Variants in KDM4C observed in about 807,000 individuals in gnomAD.
KDM4C encodes the protein lysine demethylase 4C.
Under a neutral mutation model 129.3 loss-of-function variants are expected in KDM4C, and 81 were observed. That is an observed-to-expected ratio of 0.63 (90% CI 0.52 to 0.75). The LOEUF (loss-of-function observed/expected upper bound fraction) is 0.75. Ranked by LOEUF, KDM4C falls within the 30% of genes least tolerant of loss-of-function variation. The probability of loss-of-function intolerance (pLI) is 0.00; values close to 1 mark genes in which losing one functional copy is unlikely to be tolerated. For missense variants in KDM4C, 1,457 were observed against 1,304.0 expected (o/e 1.12, Z -1.81); for synonymous variants, 573 against 456.1 (o/e 1.26, Z -3.26).
chr9:7,129,435 C>T (rs983154805), intron 19 of KDM4C, among the ~76,000 whole-genome samples: 4 of 152,044 alleles, frequency 2.6e-5, no homozygotes, highest in African/African-American at 9.7e-5. Context: ...TGTTTCTTAC[C>T]AGGGTTCTAG....
At chr9:7,049,039 A>G (rs1467800285) in intron 16 of KDM4C, 53 bp from the exon 17 acceptor site, 2 of 1,166,328 alleles carry the variant, frequency 1.7e-6, no homozygotes, top group East Asian at 2.3e-5. Context: ...ACCAAGTTGA[A>G]GTATGTAAGT....
rs1040665681 is a variant in KDM4C at position 6,805,460 on chromosome 9, T to G, written c.145-139T>G. ...CATCATATTGCTTTATTGCAAATATTCATCTTTTTTTTTTTTTTTTACACA... is the reference window on the plus strand; with the variant it reads ...CATCATATTGCTTTATTGCAAATATGCATCTTTTTTTTTTTTTTTTACACA... On this transcript the variant is annotated intron_variant, in intron 2 of 21. Transcript: ENST00000381309. 9.7e-6 allele frequency: 6 copies of G among 617,980 alleles called. No homozygotes were observed. In the African/African-American group the frequency reaches 1.2e-4, roughly 12 times the overall value. 38.3% of individuals were successfully genotyped at this position (617,980 alleles called of 1,614,324 possible).
chr9:7,155,117 C>T (rs1253653727), intron 19 of KDM4C, among the ~76,000 whole-genome samples: 1 of 152,152 alleles, frequency 6.6e-6, no homozygotes, highest in Admixed American at 6.5e-5. Flanking sequence ...TCGCCCAAGT[C>T]AGAGAGAGCT....
intron 18 of KDM4C, among the ~76,000 whole-genome samples, chr9:7,104,837 G>T (rs1837498629): frequency 6.6e-6 from 1 of 152,200 alleles, no homozygotes; most frequent in Non-Finnish European, 1.5e-5. Context: ...GTCAGCATTG[G>T]CTTGTGGAGT....
At chr9:6,949,485 C>T (rs951349876) in intron 8 of KDM4C, among the ~76,000 whole-genome samples, 10 of 152,308 alleles carry the variant, frequency 6.6e-5, no homozygotes, top group Admixed American at 5.9e-4. Context: ...GAGGCCAAGG[C>T]AGGCGGCTGG....
intron 5 of KDM4C, among the ~76,000 whole-genome samples, chr9:6,864,924 T>G (rs543519641): frequency 2.6e-5 from 4 of 152,100 alleles, no homozygotes; most frequent in African/African-American, 9.6e-5. Flanking sequence ...GATTAATTTT[T>G]TAGTTCAGCA....
chr9:6,732,594 C>T (rs1287033879), intron 1 of KDM4C, among the ~76,000 whole-genome samples: 1 of 152,022 alleles, frequency 6.6e-6, no homozygotes, highest in African/African-American at 2.4e-5. Context: ...AGACATTGTT[C>T]ATGCAGGGGA....
intron 19 of KDM4C, among the ~76,000 whole-genome samples, chr9:7,129,953 G>T (rs1232953095): frequency 6.6e-6 from 1 of 152,170 alleles, no homozygotes; most frequent in Non-Finnish European, 1.5e-5. Flanking sequence ...AACAGTATTT[G>T]ATTACATGTA....
intron 12 of KDM4C, among the ~76,000 whole-genome samples, chr9:6,993,701 C>T (rs556167506): frequency 1.8e-4 from 28 of 152,288 alleles, no homozygotes; most frequent in African/African-American, 6.7e-4. Flanking sequence ...GGCCATGGAA[C>T]GTACTAGATG....
chr9:6,917,628 G>T (rs1330143039), intron 8 of KDM4C, among the ~76,000 whole-genome samples: 1 of 152,092 alleles, frequency 6.6e-6, no homozygotes, highest in Non-Finnish European at 1.5e-5. Flanking sequence ...AGTTGTTCAC[G>T]ATGCCCAGCA....
intron 8 of KDM4C, among the ~76,000 whole-genome samples, chr9:6,971,967 A>T (rs1317840073): frequency 6.6e-6 from 1 of 152,164 alleles, no homozygotes; most frequent in Non-Finnish European, 1.5e-5. Flanking sequence ...TGTAATGATG[A>T]CAGATATTCA....
In KDM4C at chr9:6,835,365, G is replaced by T. The variant is rs2131357833; in HGVS notation, c.436-14142G>T. On this transcript the variant is annotated intron_variant, in intron 4 of 21. Transcript: ENST00000381309. ...CATTGCTGTCTGGCGGCACCACCAT[G>T]TACCCTAGCGTTGCCAACAGGATGC... 4.6e-6 allele frequency: 5 copies of T among 1,076,346 alleles called. No individual in the cohort carries two copies. The South Asian group carries it at 6.2e-5, about 13-fold the overall frequency. The allele number at this position is 1,076,346 out of a possible 1,614,324, so 66.7% of individuals were successfully genotyped here. A position where few individuals can be genotyped will look rare whatever the true frequency, so the allele number is the denominator to read the frequency against.
At chr9:7,074,256 T>C (rs1833602803) in intron 17 of KDM4C, among the ~76,000 whole-genome samples, 1 of 152,106 alleles carries the variant, frequency 6.6e-6, no homozygotes, top group Non-Finnish European at 1.5e-5. Flanking sequence ...CGCTGTCTCT[T>C]GGGTTCAAAC....
chr9:6,894,230 A>T (rs1391350464), intron 8 of KDM4C, among the ~76,000 whole-genome samples: 2 of 152,270 alleles, frequency 1.3e-5, no homozygotes, highest in African/African-American at 4.8e-5. Context: ...GATAAATAAA[A>T]TATAGCCCTT....
rs114216407 is a variant in KDM4C, at chr9:7,032,579, C to T, written c.2260-14283C>T. 6.3e-3 allele frequency among the ~76,000 whole-genome samples: 965 copies of T among 152,230 alleles called. 17 individuals are homozygous for T. The highest frequency in any genetic ancestry group is 0.021 in the African/African-American group (873 of 41,534). Reference sequence around the variant, plus strand: ...TCTTTATTTCCACAGAACTTGATACCGATAAAGGCTAAGGAATTCTTCGTC... The same window carrying T: ...TCTTTATTTCCACAGAACTTGATACTGATAAAGGCTAAGGAATTCTTCGTC... On this transcript the variant is annotated intron_variant, in intron 15 of 21. Transcript: ENST00000381309.
rs904073141 is a variant in KDM4C at position 6,803,782 on chromosome 9, A to G, written c.145-1817A>G. Among the ~76,000 whole-genome samples the G allele has an allele frequency of 3.3e-5, 5 of 151,956 alleles. No individual in the cohort carries two copies. The East Asian group carries it at 5.8e-4, about 18-fold the overall frequency. On this transcript the variant is annotated intron_variant, in intron 2 of 21. Coordinates refer to ENST00000381309, the MANE Select transcript of KDM4C (RefSeq NM_015061.6). ...AAAAAAAAAAAGAAAAGTTCCAGCAATAGATCATGAATTGCTTCATGACGT... is the reference window on the plus strand; with the variant it reads ...AAAAAAAAAAAGAAAAGTTCCAGCAGTAGATCATGAATTGCTTCATGACGT...
At chr9:6,998,519 G>T (rs1392667141) in intron 12 of KDM4C, among the ~76,000 whole-genome samples, 1 of 152,162 alleles carries the variant, frequency 6.6e-6, no homozygotes, top group African/African-American at 2.4e-5. Context: ...TTATAGGCTG[G>T]GTTTGGTGGC....
chr9:6,885,906 A>T (rs1412375521), intron 6 of KDM4C, among the ~76,000 whole-genome samples: 2 of 152,236 alleles, frequency 1.3e-5, no homozygotes, highest in African/African-American at 4.8e-5. Flanking sequence ...AATTTAGGTT[A>T]ACTTATGACC....
chr9:7,116,045 G>GT lies in KDM4C; in HGVS notation c.2611-12020dup, dbSNP rs1390586141. ...CTGAAATTATAATGTCTGAAGAAAC[G>GT]TAAGAAATTCCTGTTTCTTCTGAAA... On this transcript the variant is annotated intron_variant, in intron 18 of 21. Transcript: ENST00000381309. 2.6e-5 allele frequency among the ~76,000 whole-genome samples: 4 copies of GT among 152,156 alleles called. No individual in the cohort carries two copies. The East Asian group carries it at 5.8e-4, about 22-fold the overall frequency.
Sources: gnomAD v4.1 joint callset for allele counts (sites outside exome capture counted in the v4.1 genomes callset) on GRCh38, gnomAD v4.1.1 for gene constraint, MANE v1.5 for transcripts, NCBI Gene and HGNC (gene_info 2026-07-23, HGNC 2026-07-21) for gene names.